GDA: variants seen among roughly 807,000 people sequenced by gnomAD.
GDA encodes the protein cytoplasmic PSD-95 interactor.
A neutral mutation model predicts 59.6 loss-of-function variants in GDA; 18 were observed. That is an observed-to-expected ratio of 0.30 (90% CI 0.21 to 0.45). The LOEUF (loss-of-function observed/expected upper bound fraction) is 0.45, where lower values mean the gene tolerates loss of function less well. Ranked by LOEUF, GDA falls within the 20% of genes least tolerant of loss-of-function variation. GDA has a pLI of 1.00. For missense variants in GDA, 427 were observed against 552.3 expected, an observed-to-expected ratio of 0.77 and a Z score of 2.27; for synonymous variants, 201 against 201.1, an observed-to-expected ratio of 1.00 and a Z score of 0.00.
rs537546805 is a variant in GDA, at chr9:72,232,898, G to A, written c.988+1717G>A. Among the ~76,000 whole-genome samples the A allele has an allele frequency of 4.3e-4, 66 of 152,292 alleles. No homozygotes were observed. The Middle Eastern group carries it at 0.01, about 24-fold the overall frequency. Reference sequence around the variant, plus strand: ...TGTTTAGAGAATTAAACTTTAAAATGCATGCAAATTGGTTAGCACAGTGCC... The same window carrying A: ...TGTTTAGAGAATTAAACTTTAAAATACATGCAAATTGGTTAGCACAGTGCC... On this transcript the variant is annotated intron_variant, in intron 10 of 13. Coordinates refer to ENST00000358399, the MANE Select transcript of GDA (RefSeq NM_004293.5).
chr9:72,133,308 A>AAAAAAAAAT (rs767205305), intron 1 of GDA, among the ~76,000 whole-genome samples: 4 of 101,558 alleles, frequency 3.9e-5, no homozygotes, highest in African/African-American at 9.2e-5. Context: ...AAAAAAAAAA[A>AAAAAAAAAT]AATAATAATA....
chr9:72,129,613 T>A (rs1825958756), intron 1 of GDA, among the ~76,000 whole-genome samples: 1 of 152,170 alleles, frequency 6.6e-6, no homozygotes, highest in Non-Finnish European at 1.5e-5. Flanking sequence ...TGGCCTTCAA[T>A]CTTATAGTTC....
At chr9:72,182,021 C>A (rs752104340) in intron 1 of GDA, among the ~76,000 whole-genome samples, 3 of 152,200 alleles carry the variant, frequency 2.0e-5, no homozygotes, top group African/African-American at 7.2e-5. Flanking sequence ...TAGACACACA[C>A]ATGCACGCAC....
chr9:72,165,249 A>G (rs1394519156), intron 1 of GDA, among the ~76,000 whole-genome samples: 1 of 152,220 alleles, frequency 6.6e-6, no homozygotes, highest in Non-Finnish European at 1.5e-5. Flanking sequence ...ATTTCAAAGG[A>G]TGCCAAAGCA....
chr9:72,210,667 T>G lies in GDA; in HGVS notation c.385-20T>G. The G allele has an allele frequency of 6.8e-7, 1 of 1,472,124 alleles. No individual in the cohort carries two copies. Among genetic ancestry groups the G allele is most frequent in the South Asian group, 1.1e-5 (1 of 88,088 alleles). 91.2% of individuals were successfully genotyped at this position (1,472,124 alleles called of 1,614,324 possible). On this transcript the variant is annotated intron_variant, in intron 3 of 13. Transcript: ENST00000358399. ...TTTTCTGAGCACACGTGATTCGCGG[T>G]TTTTGTGATTTATTTTTAGAGGAGA...
chr9:72,129,403 T>C (rs1825951897), intron 1 of GDA, among the ~76,000 whole-genome samples: 1 of 152,218 alleles, frequency 6.6e-6, no homozygotes, highest in Non-Finnish European at 1.5e-5. Flanking sequence ...ATGTTGGCCA[T>C]GGCATCCTGA....
chr9:72,190,022 G>A (rs80002387), intron 1 of GDA, among the ~76,000 whole-genome samples: 1,639 of 152,306 alleles, frequency 0.011, 35 homozygotes, highest in African/African-American at 0.038. Flanking sequence ...GGGTCATAGG[G>A]ATGAAGCTCT....
At chr9:72,221,006 G>A (rs2131558552) in intron 6 of GDA, among the ~76,000 whole-genome samples, 1 of 152,312 alleles carries the variant, frequency 6.6e-6, no homozygotes. Context: ...TTTGGGGCCT[G>A]ATAGGAAATC....
intron 3 of GDA, among the ~76,000 whole-genome samples, chr9:72,208,406 A>G (rs1247865030): frequency 2.0e-5 from 3 of 152,226 alleles, no homozygotes; most frequent in Non-Finnish European, 4.4e-5. Flanking sequence ...GATATGCCCC[A>G]AAGTATTCAA....
At chr9:72,151,696 C>T (rs1827224496) in intron 1 of GDA, among the ~76,000 whole-genome samples, 1 of 151,732 alleles carries the variant, frequency 6.6e-6, no homozygotes, top group African/African-American at 2.4e-5. Flanking sequence ...CAAGCTCTGC[C>T]TCCCGGGTTC....
At chr9:72,195,940 T>C (rs1209186913) in intron 2 of GDA, among the ~76,000 whole-genome samples, 1 of 152,006 alleles carries the variant, frequency 6.6e-6, no homozygotes, top group East Asian at 1.9e-4. Flanking sequence ...AGCAAACAGA[T>C]ACCTGCGCAT....
At chr9:72,153,222 C>T (rs11143137) in intron 1 of GDA, among the ~76,000 whole-genome samples, 27,302 of 150,588 alleles carry the variant, frequency 0.18, 2,758 homozygotes, top group African/African-American at 0.29. Flanking sequence ...AGTCAGGTAG[C>T]GTGATGCCTC....
At chr9:72,142,606 C>A (rs971722260) in intron 1 of GDA, among the ~76,000 whole-genome samples, 1 of 151,734 alleles carries the variant, frequency 6.6e-6, no homozygotes, top group African/African-American at 2.4e-5. Flanking sequence ...CCAGTGATAG[C>A]AGGTGACCTT....
downstream of GDA, among the ~76,000 whole-genome samples, chr9:72,259,006 G>A (rs1840912888): frequency 2.7e-5 from 4 of 150,942 alleles, no homozygotes; most frequent in South Asian, 2.1e-4. Context: ...TGGCTCAAAT[G>A]TACTGTACAA....
intron 5 of GDA, among the ~76,000 whole-genome samples, chr9:72,214,402 T>G (rs1835818882): frequency 6.6e-6 from 1 of 151,908 alleles, no homozygotes; most frequent in Non-Finnish European, 1.5e-5. Flanking sequence ...TTCAAGCGAT[T>G]CTTCCACCTC....
intron 10 of GDA, among the ~76,000 whole-genome samples, chr9:72,236,823 A>C (rs1015957732): frequency 2.9e-5 from 4 of 139,614 alleles, no homozygotes; most frequent in Non-Finnish European, 4.5e-5. Flanking sequence ...TCTGTCTCCC[A>C]AGCTGGAGTG....
At chr9:72,233,017 T>A (rs917955084) in intron 10 of GDA, among the ~76,000 whole-genome samples, 11 of 152,228 alleles carry the variant, frequency 7.2e-5, no homozygotes, top group African/African-American at 2.7e-4. Context: ...ATATGACCTA[T>A]TAGCTTATTT....
intron 5 of GDA, among the ~76,000 whole-genome samples, chr9:72,216,637 CAG>C (rs943600476): frequency 3.3e-5 from 5 of 151,858 alleles, no homozygotes; most frequent in African/African-American, 1.2e-4. Context: ...TTCATGGAGA[CAG>C]AACACCAGCG....
chr9:72,244,268 C>A (rs1372293344), intron 11 of GDA, among the ~76,000 whole-genome samples: 1 of 152,156 alleles, frequency 6.6e-6, no homozygotes, highest in Non-Finnish European at 1.5e-5. Flanking sequence ...CCAGTTTACA[C>A]CTTCCTCAGA....
Sources: allele counts gnomAD v4.1 joint callset (sites outside exome capture counted in the v4.1 genomes callset), GRCh38; gene constraint gnomAD v4.1.1; transcripts MANE v1.5; gene names NCBI Gene and HGNC (gene_info 2026-07-23, HGNC 2026-07-21).